PRDM5: variants seen among roughly 807,000 people sequenced by gnomAD.
PRDM5 encodes the protein PR/SET domain 5.
A neutral mutation model predicts 81.2 loss-of-function variants in PRDM5; 56 were observed. The ratio of observed to expected loss-of-function variants is 0.69; its 90% CI spans 0.56 to 0.86. PRDM5 has a LOEUF of 0.86. PRDM5 is among the 40% of genes least tolerant of loss of function. The pLI, the probability that PRDM5 is intolerant of heterozygous loss-of-function variation, is 0.00. For missense variants in PRDM5, 697 were observed against 770.1 expected (o/e 0.91, Z 1.12); for synonymous variants, 267 against 256.4 (o/e 1.04, Z -0.39).
At chr4:120,831,677 A>G (rs1756732833) in intron 3 of PRDM5, among the ~76,000 whole-genome samples, 1 of 131,326 alleles carries the variant, frequency 7.6e-6, no homozygotes, top group African/African-American at 3.0e-5. Flanking sequence ...GCAAGAGTCT[A>G]CTTATACTAC....
chr4:120,796,122 C>G (rs1751316693), intron 10 of PRDM5, among the ~76,000 whole-genome samples: 1 of 152,066 alleles, frequency 6.6e-6, no homozygotes, highest in South Asian at 2.1e-4. Flanking sequence ...ATCACACTGA[C>G]TCTTAACGTT....
rs200749731 is a variant in PRDM5, at chr4:120,787,759, T to C, written c.1189-2668A>G. Among the ~76,000 whole-genome samples, 14 of 152,144 alleles carry C rather than the reference T, an allele frequency of 9.2e-5. No individual in the cohort carries two copies. The East Asian group carries it at 2.7e-3, about 29-fold the overall frequency. On this transcript the variant is annotated intron_variant, in intron 10 of 15. Transcript: ENST00000264808. ...ATGCAGAAGAGCAGCAAGAAACAAGTCTGAGTAAAACATCAGGGGTTCAAT... is the reference window on the plus strand; with the variant it reads ...ATGCAGAAGAGCAGCAAGAAACAAGCCTGAGTAAAACATCAGGGGTTCAAT...
intron 1 of PRDM5, among the ~76,000 whole-genome samples, chr4:120,921,180 T>A (rs1724863360): frequency 6.6e-6 from 1 of 152,208 alleles, no homozygotes; most frequent in South Asian, 2.1e-4. Context: ...TGTTTGAGAA[T>A]TTTTCACATC....
At chr4:120,862,811 C>T (rs1450475) in intron 2 of PRDM5, among the ~76,000 whole-genome samples, 68,128 of 151,802 alleles carry the variant, frequency 0.45, 15,491 homozygotes, top group Non-Finnish European at 0.47. Flanking sequence ...GTTTAATGGG[C>T]TTCCTTGTAC....
intron 13 of PRDM5, among the ~76,000 whole-genome samples, chr4:120,758,372 T>C (rs1745093421): frequency 6.6e-6 from 1 of 152,206 alleles, no homozygotes; most frequent in Non-Finnish European, 1.5e-5. Context: ...CAAATTCGTA[T>C]GTTTAAATCC....
At chr4:120,779,959 ATATAAC>A (rs1402305069) in intron 12 of PRDM5, among the ~76,000 whole-genome samples, 1 of 151,912 alleles carries the variant, frequency 6.6e-6, no homozygotes, top group Non-Finnish European at 1.5e-5. Flanking sequence ...TATCTCCTGT[ATATAAC>A]TATATCTACT....
chr4:120,748,707 C>T (rs1203197595), intron 14 of PRDM5, among the ~76,000 whole-genome samples: 1 of 151,722 alleles, frequency 6.6e-6, no homozygotes, highest in African/African-American at 2.4e-5. Flanking sequence ...CTCCACCACA[C>T]AAGCAAAGAA....
intron 3 of PRDM5, among the ~76,000 whole-genome samples, chr4:120,843,930 T>G (rs1758345508): frequency 6.6e-6 from 1 of 152,100 alleles, no homozygotes; most frequent in South Asian, 2.1e-4. Flanking sequence ...AAGAGAAGAA[T>G]GGCCACAGAG....
intron 14 of PRDM5, among the ~76,000 whole-genome samples, chr4:120,718,162 T>C (rs1428917558): frequency 6.6e-6 from 1 of 152,178 alleles, no homozygotes; most frequent in African/African-American, 2.4e-5. Context: ...TTTTCTCTAT[T>C]TGTCTTGCTC....
chr4:120,885,931 A>G (rs1763395208), intron 2 of PRDM5: 2 of 152,238 alleles, frequency 1.3e-5, no homozygotes, highest in South Asian at 4.1e-4. Flanking sequence ...AATTCCAAGC[A>G]TTCTTTAATC....
chr4:120,776,861 T>C (rs1207827324), intron 13 of PRDM5, among the ~76,000 whole-genome samples: 1 of 152,180 alleles, frequency 6.6e-6, no homozygotes, highest in Non-Finnish European at 1.5e-5. Context: ...TAAATCAAGT[T>C]GATGCCCTTA....
intron 1 of PRDM5, among the ~76,000 whole-genome samples, chr4:120,909,892 C>A (rs1214168102): frequency 6.6e-6 from 1 of 152,076 alleles, no homozygotes; most frequent in East Asian, 1.9e-4. Flanking sequence ...TGGTTTTTAG[C>A]TTTAAGAAAT....
At chr4:120,802,232 AG>A (rs1752213804) in intron 8 of PRDM5, among the ~76,000 whole-genome samples, 1 of 152,254 alleles carries the variant, frequency 6.6e-6, no homozygotes. Flanking sequence ...TTCAAGCTAA[AG>A]CCATGTTCAA....
At chr4:120,777,013 CAT>C (rs1748250779) in intron 13 of PRDM5, among the ~76,000 whole-genome samples, 173 bp downstream of exon 13, 1 of 152,126 alleles carries the variant, frequency 6.6e-6, no homozygotes, top group African/African-American at 2.4e-5. Context: ...AAAATATACT[CAT>C]TCCAAATTCT....
At chr4:120,918,635 A>ATTTTTTT (rs534148936) in intron 1 of PRDM5, among the ~76,000 whole-genome samples, 1 of 110,736 alleles carries the variant, frequency 9.0e-6, no homozygotes, top group Non-Finnish European at 1.8e-5. Flanking sequence ...TACGTCAGGT[A>ATTTTTTT]TTTTTTTTTT....
intron 3 of PRDM5, among the ~76,000 whole-genome samples, chr4:120,825,718 T>G (rs2149357594): frequency 1.3e-5 from 2 of 152,316 alleles, no homozygotes; most frequent in Middle Eastern, 3.4e-3. Flanking sequence ...TTGTTATTTA[T>G]TACTTTTGAA....
At chr4:120,839,704 C>T (rs761718129) in intron 3 of PRDM5, among the ~76,000 whole-genome samples, 1 of 152,208 alleles carries the variant, frequency 6.6e-6, no homozygotes, top group Non-Finnish European at 1.5e-5. Context: ...TGGGGCCTCA[C>T]CGGGTACCTG....
At chr4:120,715,224 C>A (rs1478654712) in intron 14 of PRDM5, among the ~76,000 whole-genome samples, 1 of 152,096 alleles carries the variant, frequency 6.6e-6, no homozygotes, top group African/African-American at 2.4e-5. Flanking sequence ...TTCATTGAAT[C>A]CTGAGGGCTA....
intron 14 of PRDM5, among the ~76,000 whole-genome samples, chr4:120,730,337 T>G: frequency 6.6e-6 from 1 of 152,192 alleles, no homozygotes; most frequent in East Asian, 1.9e-4. Context: ...CGTTGCAATA[T>G]GCATATAAAT....
Sources: gnomAD v4.1 joint callset for allele counts (sites outside exome capture counted in the v4.1 genomes callset) on GRCh38, gnomAD v4.1.1 for gene constraint, MANE v1.5 for transcripts, NCBI Gene and HGNC (gene_info 2026-07-23, HGNC 2026-07-21) for gene names.